Variants in MAP3K2 observed in about 807,000 individuals in gnomAD.
MAP3K2 encodes MAP/ERK kinase kinase 2.
Under a neutral mutation model 80.3 loss-of-function variants are expected in MAP3K2, and 24 were observed. The ratio of observed to expected loss-of-function variants is 0.30; its 90% CI spans 0.22 to 0.42. The LOEUF (loss-of-function observed/expected upper bound fraction) is 0.42, where lower values mean the gene tolerates loss of function less well. MAP3K2 is among the 10% of genes least tolerant of loss of function. The pLI is 1.00. For synonymous variants in MAP3K2, 244 were observed against 253.7 expected, an observed-to-expected ratio of 0.96 and a Z score of 0.36; for missense variants, 608 against 750.1, an observed-to-expected ratio of 0.81 and a Z score of 2.21.
rs1301733175 is a variant in MAP3K2 at position 127,301,304 on chromosome 2, ATGTC to A, written c.*6271_*6274del. 1.1e-4 allele frequency: 17 copies of A among 152,360 alleles called. No homozygotes were observed. The highest frequency in any genetic ancestry group is 3.8e-4 in the African/African-American group (16 of 41,588). The allele number at this position is 152,360 out of a possible 1,614,324, so 9.4% of individuals were successfully genotyped here. ...CATCAACCTGAGGCATCAGACGTTA[ATGTC>A]TGTCTATGTGAATCAGTGGTCAAGT... On this transcript the variant is annotated 3_prime_UTR_variant, in exon 17 of 17. Transcript: ENST00000682094.
upstream of MAP3K2, chr2:127,388,215 C>T (rs1250224342): frequency 3.0e-6 from 3 of 983,744 alleles, no homozygotes; most frequent in Non-Finnish European, 3.6e-6. Context: ...CCGGGGCAGC[C>T]TGTGCTGTTC....
chr2:127,356,013 C>G (rs1686792035), intron 1 of MAP3K2, among the ~76,000 whole-genome samples: 1 of 152,114 alleles, frequency 6.6e-6, no homozygotes, highest in African/African-American at 2.4e-5. Flanking sequence ...CTCATCCATC[C>G]AAGTTTTATG....
intron 14 of MAP3K2, chr2:127,316,997 A>T (rs6761447): frequency 0.37 from 55,958 of 151,434 alleles, 11,146 homozygotes; most frequent in East Asian, 0.62. Flanking sequence ...TAAAAAATTT[A>T]AAACAAAAAA....
chr2:127,308,599 T>G lies in MAP3K2; in HGVS notation c.1620A>C (p.Arg540Ser). 2.6e-6 allele frequency: 4 copies of G among 1,553,764 alleles called. No homozygotes were observed. Among genetic ancestry groups the G allele is most frequent in the Non-Finnish European group, 3.5e-6 (4 of 1,141,600 alleles). The change falls in exon 16 of 17, where the codon AGA becomes AGC. Residue 540 changes from arginine to serine, a missense_variant. Around this residue, in one of 4 missense-constraint regions of MAP3K2, gnomAD observed 88 missense variants for 132.4 expected, o/e 0.66. Transcript: ENST00000682094. ...TCAAAACCTACCAGATGTCTGCTTT[T>G]CTTCCATAGCCTTCTCCACTGATGA... ...PEVISGEGYGRKADIWSVACT... is the reference protein window; with the variant it reads ...PEVISGEGYGSKADIWSVACT...
intron 16 of MAP3K2, among the ~76,000 whole-genome samples, chr2:127,308,326 T>C (rs1685746829): frequency 6.6e-6 from 1 of 152,260 alleles, no homozygotes; most frequent in Non-Finnish European, 1.5e-5. Flanking sequence ...ACTTCTGTAA[T>C]AGCAAAAAGC....
intron 1 of MAP3K2, among the ~76,000 whole-genome samples, chr2:127,374,806 C>T (rs1687122194): frequency 6.6e-6 from 1 of 152,182 alleles, no homozygotes; most frequent in African/African-American, 2.4e-5. Context: ...TGCCAGCTCA[C>T]AATTTCAACA....
chr2:127,344,412 G>T (rs766078109), intron 1 of MAP3K2, among the ~76,000 whole-genome samples: 1 of 151,910 alleles, frequency 6.6e-6, no homozygotes, highest in Non-Finnish European at 1.5e-5. Context: ...AATTTGGGGG[G>T]GCCAAGGTGG....
intron 1 of MAP3K2, among the ~76,000 whole-genome samples, chr2:127,352,375 G>A (rs1220250135): frequency 2.0e-5 from 3 of 152,086 alleles, no homozygotes; most frequent in Non-Finnish European, 4.4e-5. Context: ...GCACTCTCAC[G>A]AGTCTCCATT....
In MAP3K2 at chr2:127,300,330, T is replaced by C. The variant is rs1357204078; in HGVS notation, c.*7249A>G. On this transcript the variant is annotated 3_prime_UTR_variant, in exon 17 of 17. Transcript: ENST00000682094. ...ATCTTAATAGGAAAAAAACCCTTTG[T>C]ACATAATTATAAACTGCCCAGCATT... The C allele has an allele frequency of 6.6e-6, 1 of 152,166 alleles. No homozygotes were observed. Among genetic ancestry groups the C allele is most frequent in the Non-Finnish European group, 1.5e-5 (1 of 67,988 alleles). 9.4% of individuals were successfully genotyped at this position (152,166 alleles called of 1,614,324 possible). A position where few individuals can be genotyped will look rare whatever the true frequency, so the allele number is the denominator to read the frequency against.
At chr2:127,340,875 C>A (rs1227381073) in intron 2 of MAP3K2, among the ~76,000 whole-genome samples, 1 of 151,962 alleles carries the variant, frequency 6.6e-6, no homozygotes, top group Non-Finnish European at 1.5e-5. Context: ...GAAACCTAAA[C>A]ATTTGAATTT....
At chr2:127,367,927 T>C (rs1412925912) in intron 1 of MAP3K2, among the ~76,000 whole-genome samples, 1 of 152,234 alleles carries the variant, frequency 6.6e-6, no homozygotes, top group Non-Finnish European at 1.5e-5. Context: ...AAATATGACT[T>C]AGGAGCATCC....
At chr2:127,344,317 G>C (rs141390167) in intron 1 of MAP3K2, among the ~76,000 whole-genome samples, 13 of 152,116 alleles carry the variant, frequency 8.5e-5, no homozygotes, top group African/African-American at 3.1e-4. Flanking sequence ...AGGCCTACAA[G>C]GGTAATAATA....
Position 127,322,917 on chromosome 2 carries a change from A to T in MAP3K2, c.839-665T>A, listed in dbSNP as rs2104822631. Among the ~76,000 whole-genome samples the T allele has an allele frequency of 6.6e-6, 1 of 150,784 alleles. No homozygotes were observed. Among genetic ancestry groups the T allele is most frequent in the African/African-American group, 2.4e-5 (1 of 41,220 alleles). ...GCCAGTAATTTTTTTTCTTAAAGGG[A>T]TGATGTAAGTATCAATCTCATCATC... On this transcript the variant is annotated intron_variant, in intron 11 of 16. Transcript: ENST00000682094. The surrounding 1 kb of genome is among the most constrained non-coding windows in gnomAD (Gnocchi z 4.2).
At chr2:127,352,853 C>A (rs1025329026) in intron 1 of MAP3K2, among the ~76,000 whole-genome samples, 9 of 152,282 alleles carry the variant, frequency 5.9e-5, no homozygotes, top group African/African-American at 2.2e-4. Flanking sequence ...TGCGCGCCGC[C>A]ATGCCTGACT....
At chr2:127,388,108 C>T, upstream of MAP3K2, 2 of 984,624 alleles carry the variant, frequency 2.0e-6, no homozygotes, top group Non-Finnish European at 2.4e-6. Context: ...AGAGGCCCGC[C>T]ACGCCCACAC....
intron 1 of MAP3K2, among the ~76,000 whole-genome samples, chr2:127,355,644 T>G (rs957048897): frequency 3.3e-5 from 5 of 152,150 alleles, no homozygotes; most frequent in Non-Finnish European, 7.3e-5. Context: ...ATAAGGGTGG[T>G]GGTGGTTGCT....
Position 127,353,384 on chromosome 2 carries a change from G to A in MAP3K2, c.-65-10190C>T, listed in dbSNP as rs542102025. ...TGCGAGGTGAGGAGCATCTCCGCCC[G>A]GCCGCCCCATCTGAGAAGTGAGGAG... On this transcript the variant is annotated intron_variant, in intron 1 of 16. Coordinates refer to ENST00000682094, the MANE Select transcript of MAP3K2 (RefSeq NM_001371910.2). Among the ~76,000 whole-genome samples the A allele has an allele frequency of 1.6e-3, 248 of 150,372 alleles. 1 individual carries two copies. The highest frequency in any genetic ancestry group is 5.3e-3 in the African/African-American group (217 of 40,736).
Position 127,321,977 on chromosome 2 carries a change from C to A in MAP3K2, c.1045+69G>T. The A allele has an allele frequency of 2.2e-6, 3 of 1,348,448 alleles. No homozygotes were observed. Among genetic ancestry groups the A allele is most frequent in the East Asian group, 2.5e-5 (1 of 40,006 alleles). The allele number at this position is 1,348,448 out of a possible 1,614,324, so 83.5% of individuals were successfully genotyped here. On this transcript the variant is annotated intron_variant, in intron 12 of 16. Coordinates refer to ENST00000682094, the MANE Select transcript of MAP3K2 (RefSeq NM_001371910.2). This position sits in a 1 kb window ranked among gnomAD's most constrained non-coding sequence, Gnocchi z 4.4. ...CCCAAAAACTCACTTAGTATTTATT[C>A]CTTTTAATAATATAAAATTCTGCAA...
chr2:127,319,158 A>G (rs1573981166), intron 12 of MAP3K2, among the ~76,000 whole-genome samples: 1 of 151,376 alleles, frequency 6.6e-6, no homozygotes. Flanking sequence ...GAGAGCCTTC[A>G]GCCGCTGGAG....
Sources: gnomAD v4.1 joint callset for allele counts (sites outside exome capture counted in the v4.1 genomes callset) on GRCh38, gnomAD v4.1.1 for gene constraint, gnomAD v4.1.1 regional missense constraint, Gnocchi (gnomAD v3.1) non-coding constraint, MANE v1.5 for transcripts, NCBI Gene and HGNC (gene_info 2026-07-23, HGNC 2026-07-21) for gene names.